The following BTG3 variants were observed in gnomAD, a reference collection of about 807,000 sequenced individuals.
BTG3 encodes BTG anti-proliferation factor 3, also known as protein BTG3.
A neutral mutation model predicts 25.8 loss-of-function variants in BTG3; 4 were observed. The observed-to-expected ratio is 0.16, with a 90% CI of 0.08 to 0.36. BTG3 has a LOEUF of 0.36. BTG3 is among the 10% of genes least tolerant of loss of function. The pLI, the probability that BTG3 is intolerant of heterozygous loss-of-function variation, is 1.00. For synonymous variants in BTG3, 107 were observed against 99.9 expected (o/e 1.07, Z -0.42); for missense variants, 201 against 304.9 (o/e 0.66, Z 2.54).
rs2061468991 is a variant in BTG3 at position 17,593,951 on chromosome 21, C to G, written c.*142G>C. 2.9e-6 allele frequency: 3 copies of G among 1,020,556 alleles called. No homozygotes were observed. Among genetic ancestry groups the G allele is most frequent in the South Asian group, 2.0e-5 (1 of 49,480 alleles). 63.2% of individuals were successfully genotyped at this position (1,020,556 alleles called of 1,614,324 possible). On this transcript the variant is annotated 3_prime_UTR_variant, in exon 5 of 5. Coordinates refer to ENST00000348354, the MANE Select transcript of BTG3 (RefSeq NM_006806.5). ...CATATATTTTTTAAGAAAGATTATT[C>G]TCAATAACTTCTATAAAAATAAGTT...
chr21:17,604,898 C>T lies in BTG3; in HGVS notation c.273G>A (p.Glu91=). ...ILYSDLGLPK[E]LTLWVDPCEV... ...CACATGGGTCCACCCAGAGAGTGAG[C>T]TCCTTTGGCAAGCCCAGGTCACTAT... The change falls in exon 3 of 5, where the codon GAG becomes GAA. Residue 91 remains glutamate (E), a synonymous_variant. Coordinates refer to ENST00000348354, the MANE Select transcript of BTG3 (RefSeq NM_006806.5). The T allele has an allele frequency of 6.2e-7, 1 of 1,614,184 alleles. No individual in the cohort carries two copies. The highest frequency in any genetic ancestry group is 1.3e-5 in the African/African-American group (1 of 75,056).
intron 3 of BTG3, among the ~76,000 whole-genome samples, chr21:17,603,121 T>C (rs560665136): frequency 6.6e-6 from 1 of 152,342 alleles, no homozygotes; most frequent in East Asian, 1.9e-4. Context: ...GTGTGTTAAA[T>C]AGGAGCCAAC....
At chr21:17,604,271 T>C (rs1601097424) in intron 3 of BTG3, 1 of 304,828 alleles carries the variant, frequency 3.3e-6, no homozygotes, top group Non-Finnish European at 6.3e-6. Context: ...TGAAACCCCA[T>C]CTCTACTACA....
chr21:17,594,265 T>C lies in BTG3; in HGVS notation c.587A>G (p.Tyr196Cys), dbSNP rs145339937. The C allele has an allele frequency of 1.9e-5, 30 of 1,613,162 alleles. No individual in the cohort carries two copies. The highest frequency in any genetic ancestry group is 5.1e-6 in the Non-Finnish European group (6 of 1,179,392). The change falls in exon 5 of 5, where the codon TAT becomes TGT. Residue 196 changes from tyrosine (Y) to cysteine (C), a missense_variant. By Grantham distance (194) the Tyr-to-Cys change is radical. Around this residue, in one of 2 missense-constraint regions of BTG3, gnomAD observed 131 missense variants for 129.3 expected, o/e 1.01. Coordinates refer to ENST00000348354, the MANE Select transcript of BTG3 (RefSeq NM_006806.5). The part of the protein sequence containing the change: ...HPLPRKKPGM[Y>C]RGNGHQNHYP... Reference sequence around the variant, plus strand: ...GTGATTCTGATGGCCATTCCCTCGATACATTCCTGGCTTTTTTCTGGGCAA... The same window carrying C: ...GTGATTCTGATGGCCATTCCCTCGACACATTCCTGGCTTTTTTCTGGGCAA...
rs573276020 is a variant in BTG3 at position 17,595,287 on chromosome 21, T to C, written c.520-955A>G. ...TGATTTTGCTGATCTCAAATCTGCA[T>C]TTCTAAGTATAGGATTTTTTTAAAA... On this transcript the variant is annotated intron_variant, in intron 4 of 4. Transcript: ENST00000348354. 8.1e-4 allele frequency among the ~76,000 whole-genome samples: 124 copies of C among 152,210 alleles called. 1 individual carries two copies. The highest frequency in any genetic ancestry group is 2.7e-3 in the African/African-American group (114 of 41,560).
At position 17,594,034 on chromosome 21, in the gene BTG3, T is replaced by TG; in HGVS notation, c.*58dup. The TG allele has an allele frequency of 6.4e-7, 1 of 1,552,504 alleles. No individual in the cohort carries two copies. Among genetic ancestry groups the TG allele is most frequent in the Admixed American group, 2.0e-5 (1 of 51,274 alleles). Reference sequence around the variant, plus strand: ...TAGTAAGAACTTTTAACTTTTAATGTGTAGTAAGGTTTATTCTACCTTTTT... The same window carrying TG: ...TAGTAAGAACTTTTAACTTTTAATGTGGTAGTAAGGTTTATTCTACCTTTTT... On this transcript the variant is annotated 3_prime_UTR_variant, in exon 5 of 5. Coordinates refer to ENST00000348354, the MANE Select transcript of BTG3 (RefSeq NM_006806.5).
In BTG3 at chr21:17,607,389, C is replaced by CA. The variant is rs368596539; in HGVS notation, c.173+1582dup. Reference sequence around the variant, plus strand: ...TCACTCTATTGGAAATGAAAATATGCAAAAAAAAAATTAAGATAATCAAGA... The same window carrying CA: ...TCACTCTATTGGAAATGAAAATATGCAAAAAAAAAAATTAAGATAATCAAGA... On this transcript the variant is annotated intron_variant, in intron 2 of 4. Coordinates refer to ENST00000348354, the MANE Select transcript of BTG3 (RefSeq NM_006806.5). 4.4e-3 allele frequency among the ~76,000 whole-genome samples: 647 copies of CA among 145,720 alleles called. 7 individuals carry two copies. The highest frequency in any genetic ancestry group is 0.015 in the African/African-American group (595 of 39,848).
At chr21:17,610,448 T>G (rs556718394) in intron 1 of BTG3, among the ~76,000 whole-genome samples, 2 of 152,344 alleles carry the variant, frequency 1.3e-5, no homozygotes, top group South Asian at 4.1e-4. Context: ...AGTGGATCTA[T>G]CAGGACATAT....
At chr21:17,601,869 C>T (rs1157394295) in intron 3 of BTG3, among the ~76,000 whole-genome samples, 1 of 152,186 alleles carries the variant, frequency 6.6e-6, no homozygotes, top group East Asian at 1.9e-4. Flanking sequence ...GAAGGATCAG[C>T]ATTATTAACT....
At chr21:17,603,145 C>T (rs1455385306) in intron 3 of BTG3, among the ~76,000 whole-genome samples, 1 of 152,152 alleles carries the variant, frequency 6.6e-6, no homozygotes. Flanking sequence ...GATCTAAGTG[C>T]AGGTCAAATT....
chr21:17,605,125 G>A, intron 2 of BTG3, 128 bp from the exon 3 acceptor site: 2 of 1,065,512 alleles, frequency 1.9e-6, no homozygotes, highest in African/African-American at 1.6e-5. Context: ...GAGAACCTAG[G>A]AGCATATCTA....
At chr21:17,607,718 C>T (rs1156467492) in intron 2 of BTG3, among the ~76,000 whole-genome samples, 1 of 152,132 alleles carries the variant, frequency 6.6e-6, no homozygotes, top group Non-Finnish European at 1.5e-5. Context: ...ACTTTGGGGA[C>T]ATCAATATAC....
At chr21:17,600,951 C>G (rs2061565201) in intron 3 of BTG3, among the ~76,000 whole-genome samples, 1 of 152,192 alleles carries the variant, frequency 6.6e-6, no homozygotes, top group African/African-American at 2.4e-5. Flanking sequence ...ATCATGAGGT[C>G]AGGCGTTCGA....
At position 17,598,774 on chromosome 21, in the gene BTG3, T is replaced by C; in HGVS notation, c.362A>G (p.Asp121Gly). The C allele has an allele frequency of 6.2e-7, 1 of 1,614,172 alleles. No individual in the cohort carries two copies. The highest frequency in any genetic ancestry group is 8.5e-7 in the Non-Finnish European group (1 of 1,180,026). ...CCTGGAGATCTCATCCTTGTTCTCATCTTTATTTTCAAAGCTGGCAACAAT... is the reference window on the plus strand; with the variant it reads ...CCTGGAGATCTCATCCTTGTTCTCACCTTTATTTTCAAAGCTGGCAACAAT... ...AFIVASFENK[D>G]ENKDEISRKV... Residue 121 changes from aspartate (D) to glycine (G), a missense_variant, in exon 4 of 5, where the codon GAT becomes GGT. Asp to Gly is a moderately conservative substitution (Grantham distance 94, BLOSUM62 -1). This residue lies in a region of BTG3 where 70 missense variants were observed against 175.7 expected (regional missense o/e 0.40). Transcript: ENST00000348354.
At chr21:17,604,207 C>T (rs1168592549) in intron 3 of BTG3, 16 of 985,272 alleles carry the variant, frequency 1.6e-5, no homozygotes, top group Non-Finnish European at 2.2e-5. Context: ...CTTTGGGAGG[C>T]CAAGGCGGGC....
intron 2 of BTG3, 144 bp from the exon 3 acceptor site, chr21:17,605,141 A>C: frequency 1.1e-6 from 1 of 924,732 alleles, no homozygotes; most frequent in Non-Finnish European, 1.6e-6. Flanking sequence ...ATCTATCCTA[A>C]ACAGATAATA....
chr21:17,600,374 ATAAG>A (rs1052130674), intron 3 of BTG3, among the ~76,000 whole-genome samples: 14 of 152,240 alleles, frequency 9.2e-5, no homozygotes, highest in African/African-American at 2.9e-4. Flanking sequence ...AAAGATAAAA[ATAAG>A]TAACTCTAAG....
intron 3 of BTG3, among the ~76,000 whole-genome samples, chr21:17,600,289 C>CA (rs1267406102): frequency 1.3e-5 from 2 of 151,962 alleles, no homozygotes; most frequent in African/African-American, 4.8e-5. Flanking sequence ...AGCATCAGGA[C>CA]AAAGGATATT....
chr21:17,609,121 A>C lies in BTG3; in HGVS notation c.24T>G (p.Val8=). MKNEIAA[V]VFFFTRLVRK... ...GAACTAGCCTTGTGAAAAAGAAGAC[A>C]ACGGCAGCAATTTCATTCTTCATTT... The change falls in exon 2 of 5, where the codon GTT becomes GTG. Residue 8 remains valine, a synonymous_variant. Coordinates refer to ENST00000348354, the MANE Select transcript of BTG3 (RefSeq NM_006806.5). 1 of 1,609,602 alleles carries C rather than the reference A, an allele frequency of 6.2e-7. No individual in the cohort carries two copies. The highest frequency in any genetic ancestry group is 1.7e-5 in the Admixed American group (1 of 58,766).
Sources: gnomAD v4.1 joint callset for allele counts (sites outside exome capture counted in the v4.1 genomes callset) on GRCh38, gnomAD v4.1.1 for gene constraint, gnomAD v4.1.1 regional missense constraint, MANE v1.5 for transcripts, NCBI Gene and HGNC (gene_info 2026-07-23, HGNC 2026-07-21) for gene names.